The following CDH18 variants were observed in gnomAD, a reference collection of about 807,000 sequenced individuals.
The protein encoded by CDH18 is cadherin-18.
In CDH18, 31 loss-of-function variants were observed where a neutral mutation model predicts 67.9. The ratio of observed to expected loss-of-function variants is 0.46; its 90% CI spans 0.34 to 0.62. The LOEUF is 0.62. Ranked by LOEUF, CDH18 falls within the 20% of genes least tolerant of loss-of-function variation. The pLI is 0.01. For missense variants in CDH18, 890 were observed against 975.5 expected, an observed-to-expected ratio of 0.91 and a Z score of 1.17; for synonymous variants, 362 against 347.2, an observed-to-expected ratio of 1.04 and a Z score of -0.48.
intron 5 of CDH18, among the ~76,000 whole-genome samples, chr5:19,676,629 G>A (rs974963798): frequency 6.6e-6 from 1 of 152,012 alleles, no homozygotes; most frequent in South Asian, 2.1e-4. Context: ...ATGAGCCCAG[G>A]CGTGCACATT....
chr5:20,034,344 T>G (rs1232117003), intron 2 of CDH18, among the ~76,000 whole-genome samples: 1 of 152,070 alleles, frequency 6.6e-6, no homozygotes, highest in African/African-American at 2.4e-5. Flanking sequence ...ATAGCCTGGC[T>G]TGTTTTTATG....
chr5:19,775,738 C>T (rs1240074343), intron 3 of CDH18, among the ~76,000 whole-genome samples: 1 of 152,072 alleles, frequency 6.6e-6, no homozygotes, highest in African/African-American at 2.4e-5. Context: ...GTAGCTGAGG[C>T]AGATGTACAT....
At chr5:19,744,980 T>C (rs953105611) in intron 4 of CDH18, among the ~76,000 whole-genome samples, 3 of 152,228 alleles carry the variant, frequency 2.0e-5, no homozygotes, top group African/African-American at 7.2e-5. Flanking sequence ...TATTATTCAC[T>C]TCAAGAAAAA....
At chr5:20,536,141 A>T (rs968584219) in intron 1 of CDH18, among the ~76,000 whole-genome samples, 1 of 152,204 alleles carries the variant, frequency 6.6e-6, no homozygotes, top group African/African-American at 2.4e-5. Flanking sequence ...ACCATTCAGT[A>T]TATGTTCAGG....
In CDH18 at chr5:20,206,283, C is replaced by G. The variant is rs572899120; in HGVS notation, c.-518+49161G>C. 2.8e-3 allele frequency among the ~76,000 whole-genome samples: 432 copies of G among 151,718 alleles called. 1 individual carries two copies. Among genetic ancestry groups the G allele is most frequent in the Middle Eastern group, 0.02 (6 of 294 alleles). On this transcript the variant is annotated intron_variant, in intron 2 of 14. Transcript: ENST00000507958. ...ACACATATAACCTACCAAGAATGAG[C>G]CATGAAGAAACAGAAAACCTTAACA...
At chr5:19,853,043 C>T (rs1224691702) in intron 2 of CDH18, among the ~76,000 whole-genome samples, 2 of 152,124 alleles carry the variant, frequency 1.3e-5, no homozygotes, top group African/African-American at 4.8e-5. Context: ...GCAATGCCTC[C>T]TCCAGTAAAA....
chr5:20,003,998 T>A (rs1736675649), intron 2 of CDH18, among the ~76,000 whole-genome samples: 1 of 152,214 alleles, frequency 6.6e-6, no homozygotes. Flanking sequence ...ACTACTTGCA[T>A]CTAATATATC....
At chr5:19,964,702 G>A (rs1279750711) in intron 2 of CDH18, among the ~76,000 whole-genome samples, 1 of 149,900 alleles carries the variant, frequency 6.7e-6, no homozygotes, top group Non-Finnish European at 1.5e-5. Context: ...TAAATTCTGA[G>A]GTATAATATG....
intron 1 of CDH18, among the ~76,000 whole-genome samples, chr5:20,334,748 T>TCACACA (rs1481736288): frequency 8.5e-5 from 10 of 117,486 alleles, no homozygotes; most frequent in East Asian, 3.3e-4. Flanking sequence ...TCTCTCTCTC[T>TCACACA]CTCATACACA....
chr5:19,720,554 T>C (rs1765954764), intron 5 of CDH18, among the ~76,000 whole-genome samples: 1 of 150,640 alleles, frequency 6.6e-6, no homozygotes, highest in South Asian at 2.1e-4. Flanking sequence ...GGACATGTGA[T>C]TTTTTTATGG....
chr5:19,942,198 G>A (rs1042489166), intron 2 of CDH18, among the ~76,000 whole-genome samples: 2 of 152,124 alleles, frequency 1.3e-5, no homozygotes, highest in African/African-American at 4.8e-5. Context: ...TGAAATATCA[G>A]GAGGATACAG....
chr5:19,930,371 C>T (rs1222618485), intron 2 of CDH18, among the ~76,000 whole-genome samples: 1 of 151,748 alleles, frequency 6.6e-6, no homozygotes, highest in African/African-American at 2.4e-5. Flanking sequence ...AGAGTTAGAA[C>T]ATAGGGCTAA....
intron 1 of CDH18, among the ~76,000 whole-genome samples, chr5:20,456,932 G>A (rs1488836894): frequency 2.6e-5 from 4 of 152,150 alleles, no homozygotes; most frequent in Non-Finnish European, 5.9e-5. Flanking sequence ...TGACATTTAC[G>A]AAGTTGATTT....
intron 2 of CDH18, among the ~76,000 whole-genome samples, chr5:20,109,516 G>A (rs1309802173): frequency 6.6e-6 from 1 of 152,212 alleles, no homozygotes; most frequent in African/African-American, 2.4e-5. Context: ...TCCGGGAAGG[G>A]AATGAGGGCC....
chr5:19,680,161 A>G (rs544353627), intron 5 of CDH18, among the ~76,000 whole-genome samples: 1 of 152,080 alleles, frequency 6.6e-6, no homozygotes, highest in African/African-American at 2.4e-5. Flanking sequence ...AATTTGACAA[A>G]AACAAGCCAT....
intron 2 of CDH18, among the ~76,000 whole-genome samples, chr5:20,231,614 A>G (rs925603402): frequency 2.7e-5 from 4 of 148,880 alleles, no homozygotes; most frequent in Non-Finnish European, 6.0e-5. Flanking sequence ...AAGAAAAAAA[A>G]AGAAAAGAAA....
At chr5:19,585,205 C>T (rs1030459557) in intron 7 of CDH18, among the ~76,000 whole-genome samples, 40 of 151,918 alleles carry the variant, frequency 2.6e-4, no homozygotes, top group African/African-American at 9.4e-4. Flanking sequence ...TATAATTTTA[C>T]CTTTGTTTTT....
At chr5:19,703,749 G>A (rs2150492380) in intron 5 of CDH18, among the ~76,000 whole-genome samples, 1 of 150,350 alleles carries the variant, frequency 6.7e-6, no homozygotes, top group South Asian at 2.1e-4. Context: ...CGATCAACAG[G>A]GAAATATTAT....
At chr5:19,580,641 AATTT>A (rs1208881426) in intron 7 of CDH18, among the ~76,000 whole-genome samples, 1 of 151,918 alleles carries the variant, frequency 6.6e-6, no homozygotes, top group African/African-American at 2.4e-5. Flanking sequence ...AACATATATT[AATTT>A]ATTTAACCTT....
Sources: gnomAD v4.1 joint callset for allele counts (sites outside exome capture counted in the v4.1 genomes callset) on GRCh38, gnomAD v4.1.1 for gene constraint, MANE v1.5 for transcripts, NCBI Gene and HGNC (gene_info 2026-07-23, HGNC 2026-07-21) for gene names.